Variants in INTS9 observed in about 807,000 individuals in gnomAD.
The protein encoded by INTS9 is integrator complex subunit 9, also known as protein related to CPSF subunits of 74 kDa.
Under a neutral mutation model 79.7 loss-of-function variants are expected in INTS9, and 55 were observed. That is an observed-to-expected ratio of 0.69 (90% CI 0.56 to 0.86). INTS9 has a LOEUF of 0.86. INTS9 is among the 40% of genes least tolerant of loss of function. The probability of loss-of-function intolerance (pLI) is 0.00; values close to 1 mark genes in which losing one functional copy is unlikely to be tolerated. For missense variants in INTS9, 721 were observed against 831.5 expected (o/e 0.87, Z 1.64); for synonymous variants, 319 against 325.2 (o/e 0.98, Z 0.20).
Position 28,859,652 on chromosome 8 carries a change from C to G in INTS9, c.10-89G>C, listed in dbSNP as rs773391714. Reference sequence around the variant, plus strand: ...AATTAAATAACTCTGACGATCTTCTCTCATAAGACCAGCGTGTTAAGTTCA... The same window carrying G: ...AATTAAATAACTCTGACGATCTTCTGTCATAAGACCAGCGTGTTAAGTTCA... On this transcript the variant is annotated intron_variant, in intron 1 of 16. Coordinates refer to ENST00000521022, the MANE Select transcript of INTS9 (RefSeq NM_018250.4). 2.9e-6 allele frequency: 4 copies of G among 1,381,108 alleles called. No homozygotes were observed. In the Admixed American group the frequency reaches 7.2e-5, roughly 25 times the overall value. The allele number at this position is 1,381,108 out of a possible 1,614,324, so 85.6% of individuals were successfully genotyped here. A position where few individuals can be genotyped will look rare whatever the true frequency, so the allele number is the denominator to read the frequency against.
chr8:28,881,861 C>T (rs1235626992), intron 1 of INTS9, among the ~76,000 whole-genome samples: 2 of 145,452 alleles, frequency 1.4e-5, no homozygotes, highest in East Asian at 2.1e-4. Flanking sequence ...CGGCCAGCCG[C>T]CCCATCCGGG....
chr8:28,867,028 T>C (rs1318829250), intron 1 of INTS9, among the ~76,000 whole-genome samples: 1 of 152,172 alleles, frequency 6.6e-6, no homozygotes, highest in Non-Finnish European at 1.5e-5. Flanking sequence ...GGCTCATGCC[T>C]GTAATCCTAG....
chr8:28,843,241 G>A (rs1364654751), intron 4 of INTS9, among the ~76,000 whole-genome samples: 1 of 152,162 alleles, frequency 6.6e-6, no homozygotes, highest in Non-Finnish European at 1.5e-5. Context: ...GGTAAAGGCA[G>A]TCCTGATAAA....
chr8:28,776,096 G>C (rs926930603), intron 13 of INTS9, 170 bp from the exon 14 acceptor site: 1 of 494,458 alleles, frequency 2.0e-6, no homozygotes, highest in Non-Finnish European at 3.5e-6. Flanking sequence ...GAGAGGGAAC[G>C]TGAAGGCACT....
At chr8:28,878,952 C>T (rs1809548762) in intron 1 of INTS9, among the ~76,000 whole-genome samples, 1 of 149,952 alleles carries the variant, frequency 6.7e-6, no homozygotes, top group East Asian at 2.0e-4. Context: ...GCACTCCGGC[C>T]TGGGTGACAG....
intron 6 of INTS9, among the ~76,000 whole-genome samples, chr8:28,832,001 G>A (rs906873572): frequency 2.6e-5 from 4 of 152,034 alleles, no homozygotes; most frequent in African/African-American, 7.2e-5. Context: ...CACTGCACCT[G>A]GCCAAGAAAT....
intron 3 of INTS9, among the ~76,000 whole-genome samples, chr8:28,848,606 T>A (rs181573810): frequency 7.2e-5 from 11 of 152,274 alleles, no homozygotes; most frequent in Admixed American, 3.9e-4. Flanking sequence ...GACTCCCCAC[T>A]CCCTTAGGAT....
intron 11 of INTS9, among the ~76,000 whole-genome samples, 177 bp from the exon 12 acceptor site, chr8:28,781,171 AT>A (rs1803240824): frequency 6.6e-6 from 1 of 152,140 alleles, no homozygotes; most frequent in South Asian, 2.1e-4. Context: ...CCCAGAATCT[AT>A]GAACTCCGAA....
At chr8:28,771,294 C>A in intron 14 of INTS9, 1 of 570,596 alleles carries the variant, frequency 1.8e-6, no homozygotes, top group Non-Finnish European at 3.2e-6. Context: ...ACCCTCATCC[C>A]CTCTCCAGGT....
chr8:28,779,838 A>C (rs1054817697), intron 12 of INTS9, among the ~76,000 whole-genome samples: 1 of 152,148 alleles, frequency 6.6e-6, no homozygotes, highest in Admixed American at 6.5e-5. Flanking sequence ...GCGTCACCCC[A>C]GTGCTTCTGG....
At chr8:28,871,725 C>T (rs1465136471) in intron 1 of INTS9, among the ~76,000 whole-genome samples, 1 of 152,062 alleles carries the variant, frequency 6.6e-6, no homozygotes, top group Non-Finnish European at 1.5e-5. Flanking sequence ...ACTTTTAAGG[C>T]ATGATCCTAA....
chr8:28,878,681 TA>T (rs796536290), intron 1 of INTS9, among the ~76,000 whole-genome samples: 1 of 147,250 alleles, frequency 6.8e-6, no homozygotes, highest in African/African-American at 2.5e-5. Context: ...ATAGTTTACT[TA>T]AAAAAAAATG....
In INTS9 at chr8:28,813,813, T is replaced by C. The variant is rs527751805; in HGVS notation, c.489-201A>G. The C allele has an allele frequency of 7.9e-4, 386 of 489,814 alleles. 4 individuals carry two copies. Among genetic ancestry groups the C allele is most frequent in the African/African-American group, 7.0e-3 (346 of 49,770 alleles). The allele number at this position is 489,814 out of a possible 1,614,324, so 30.3% of individuals were successfully genotyped here. On this transcript the variant is annotated intron_variant, in intron 6 of 16. Transcript: ENST00000521022. ...GTCTCACTGTGTCACCAGGCTGGAGTGCTATGGCGCCATCTCGGCTCACTG... is the reference window on the plus strand; with the variant it reads ...GTCTCACTGTGTCACCAGGCTGGAGCGCTATGGCGCCATCTCGGCTCACTG...
At chr8:28,824,266 C>T (rs544007713) in intron 6 of INTS9, among the ~76,000 whole-genome samples, 4 of 152,288 alleles carry the variant, frequency 2.6e-5, no homozygotes, top group African/African-American at 9.6e-5. Flanking sequence ...ATGCAAATCT[C>T]AAGATCTTAT....
chr8:28,813,971 T>C lies in INTS9; in HGVS notation c.489-359A>G, dbSNP rs531646332. ...AGATGGGGTTTCACCATGTTGGCCATGATGGTCTCAATCTCCTGACCTTGT... is the reference window on the plus strand; with the variant it reads ...AGATGGGGTTTCACCATGTTGGCCACGATGGTCTCAATCTCCTGACCTTGT... On this transcript the variant is annotated intron_variant, in intron 6 of 16. Transcript: ENST00000521022. 4.6e-5 allele frequency among the ~76,000 whole-genome samples: 7 copies of C among 151,416 alleles called. No individual in the cohort carries two copies. In the East Asian group the frequency reaches 1.2e-3, roughly 25 times the overall value.
At chr8:28,874,300 T>G (rs1470719677) in intron 1 of INTS9, among the ~76,000 whole-genome samples, 1 of 151,922 alleles carries the variant, frequency 6.6e-6, no homozygotes, top group Non-Finnish European at 1.5e-5. Flanking sequence ...TTTTTTTTTT[T>G]TTGTTTTGAG....
chr8:28,871,212 C>T (rs1455663820), intron 1 of INTS9, among the ~76,000 whole-genome samples: 1 of 152,138 alleles, frequency 6.6e-6, no homozygotes, highest in Non-Finnish European at 1.5e-5. Flanking sequence ...GAAGCAGTAG[C>T]TTCTTCACTA....
At chr8:28,811,446 T>C (rs1386940402) in intron 8 of INTS9, among the ~76,000 whole-genome samples, 3 of 149,034 alleles carry the variant, frequency 2.0e-5, no homozygotes, top group East Asian at 2.1e-4. Context: ...TCTTGAGGCA[T>C]AATCTCACTC....
intron 8 of INTS9, among the ~76,000 whole-genome samples, chr8:28,811,687 A>G (rs1463286396): frequency 3.3e-5 from 5 of 151,952 alleles, no homozygotes; most frequent in African/African-American, 1.2e-4. Context: ...TCCCAAAATG[A>G]TGGGATTACA....
Sources: allele counts gnomAD v4.1 joint callset (sites outside exome capture counted in the v4.1 genomes callset), GRCh38; gene constraint gnomAD v4.1.1; transcripts MANE v1.5; gene names NCBI Gene and HGNC (gene_info 2026-07-23, HGNC 2026-07-21).